The following RUNX3 variants were observed in gnomAD, a reference collection of about 807,000 sequenced individuals.
RUNX3 encodes runt-related transcription factor 3.
In RUNX3, 10 loss-of-function variants were observed where a neutral mutation model predicts 27.7. The ratio of observed to expected loss-of-function variants is 0.36; its 90% CI spans 0.22 to 0.61. The LOEUF (loss-of-function observed/expected upper bound fraction) is 0.61, where lower values mean the gene tolerates loss of function less well. Ranked by LOEUF, RUNX3 falls within the 20% of genes least tolerant of loss-of-function variation. RUNX3 has a pLI of 0.72. For synonymous variants in RUNX3, 270 were observed against 269.2 expected (o/e 1.00, Z -0.03); for missense variants, 469 against 629.5 (o/e 0.75, Z 2.73).
intron 2 of RUNX3, among the ~76,000 whole-genome samples, chr1:24,921,298 C>T (rs914627483): frequency 3.3e-5 from 5 of 152,240 alleles, no homozygotes; most frequent in East Asian, 1.9e-4. Flanking sequence ...CAGGAGAATC[C>T]GGAACAAAAT....
chr1:24,903,338 C>T (rs1440602110), intron 4 of RUNX3, among the ~76,000 whole-genome samples: 1 of 152,190 alleles, frequency 6.6e-6, no homozygotes, highest in African/African-American at 2.4e-5. Context: ...TCCACCTCAC[C>T]CTGGGCCTGT....
intron 2 of RUNX3, among the ~76,000 whole-genome samples, chr1:24,924,930 C>T (rs1641070639): frequency 6.6e-6 from 1 of 152,132 alleles, no homozygotes. Context: ...CACCTTCAGC[C>T]CTGTTGTTAA....
intron 2 of RUNX3, among the ~76,000 whole-genome samples, chr1:24,963,337 G>GCAGGC (rs1341867973): frequency 3.3e-5 from 5 of 150,912 alleles, no homozygotes; most frequent in Non-Finnish European, 7.4e-5. Flanking sequence ...CAGCGGCAGG[G>GCAGGC]CAGGCCAATG....
upstream of RUNX3, among the ~76,000 whole-genome samples, chr1:24,934,940 C>T (rs1296362819): frequency 1.3e-5 from 2 of 152,188 alleles, no homozygotes; most frequent in Non-Finnish European, 2.9e-5. Context: ...TTGCCAGGGT[C>T]ATTCGGGAGG....
chr1:24,957,671 G>C (rs1306133323), intron 2 of RUNX3, among the ~76,000 whole-genome samples: 5 of 152,250 alleles, frequency 3.3e-5, no homozygotes, highest in Admixed American at 3.3e-4. Context: ...ACATTAAATA[G>C]TAGTAATTTC....
chr1:24,944,964 C>T (rs1191032657), intron 2 of RUNX3, among the ~76,000 whole-genome samples: 3 of 152,134 alleles, frequency 2.0e-5, no homozygotes, highest in African/African-American at 7.2e-5. Flanking sequence ...GCATAGGAAA[C>T]GAATATGTCT....
chr1:24,913,352 A>C (rs536619787), intron 3 of RUNX3, among the ~76,000 whole-genome samples: 82 of 152,334 alleles, frequency 5.4e-4, no homozygotes, highest in African/African-American at 1.9e-3. Flanking sequence ...CCCCAAGCTC[A>C]TACCAGGCAG....
intron 3 of RUNX3, among the ~76,000 whole-genome samples, chr1:24,918,340 C>T (rs1020231189): frequency 7.2e-5 from 11 of 152,214 alleles, no homozygotes; most frequent in Non-Finnish European, 1.5e-5. Flanking sequence ...AGGTCCTATT[C>T]AGGTACCCAA....
rs773454826 is a variant in RUNX3, at chr1:24,902,367, C to T, written c.1003G>A (p.Gly335Arg). The change falls in exon 5 of 5, where the codon GGG (glycine) becomes AGG (arginine). Residue 335 changes from glycine to arginine, a missense_variant. Coordinates refer to ENST00000308873, the MANE Select transcript of RUNX3 (RefSeq NM_004350.3). This position sits in a 1 kb window ranked among gnomAD's most constrained non-coding sequence, Gnocchi z 9.2. ...ANPSPYHLYYGTSSGSYQFSM... is the reference protein window; with the variant it reads ...ANPSPYHLYYRTSSGSYQFSM... The stretch of plus-strand genomic sequence containing the variant: ...AACTGGTAGGAGCCAGAGGATGTCC[C>T]GTAGTAGAGGTGGTAGGGGGACGGG... The T allele has an allele frequency of 1.9e-6, 3 of 1,612,308 alleles. No individual in the cohort carries two copies. Among genetic ancestry groups the T allele is most frequent in the African/African-American group, 1.3e-5 (1 of 75,036 alleles).
intron 2 of RUNX3, among the ~76,000 whole-genome samples, chr1:24,938,071 T>C (rs371157520): frequency 1.3e-5 from 2 of 152,234 alleles, no homozygotes; most frequent in African/African-American, 2.4e-5. Context: ...GTCCAAATTC[T>C]TGATGAAAGT....
intron 2 of RUNX3, among the ~76,000 whole-genome samples, chr1:24,955,677 G>C (rs1439399576): frequency 6.6e-6 from 1 of 152,218 alleles, no homozygotes; most frequent in East Asian, 1.9e-4. Flanking sequence ...CTCCCTGGCT[G>C]TCGGGGTTCA....
rs756021450 is a variant in RUNX3, at chr1:24,901,304, G to GA, written c.*817dup. Reference sequence around the variant, plus strand: ...TTATGAGACCACCTAGGGGAAAGGGGACCTCCTATCCCCCCTCCCCCGCCC... The same window carrying GA: ...TTATGAGACCACCTAGGGGAAAGGGGAACCTCCTATCCCCCCTCCCCCGCCC... On this transcript the variant is annotated 3_prime_UTR_variant, in exon 5 of 5. Transcript: ENST00000308873. The GA allele has an allele frequency of 3.3e-5, 5 of 152,688 alleles. No individual in the cohort carries two copies. The East Asian group carries it at 9.4e-4, about 29-fold the overall frequency. The allele number at this position is 152,688 out of a possible 1,614,324, so 9.5% of individuals were successfully genotyped here. A position where few individuals can be genotyped will look rare whatever the true frequency, so the allele number is the denominator to read the frequency against.
Position 24,927,645 on chromosome 1 carries a change from T to C in RUNX3, c.368A>G (p.Asn123Ser). Residue 123 changes from asparagine to serine, a missense_variant, in exon 2 of 5, where the codon AAT (asparagine) becomes AGT (serine). By Grantham distance (46) the Asn-to-Ser change is conservative (BLOSUM62 1). Transcript: ENST00000308873. The surrounding 1 kb of genome is among the most constrained non-coding windows in gnomAD (Gnocchi z 5.0). The part of the protein sequence containing the change: ...NDENYSAELR[N>S]ASAVMKNQVA... ...CTGGTTCTTCATGACGGCCGAGGCA[T>C]TGCGCAGCTCAGCGGAGTAGTTCTC... 6.2e-7 allele frequency: 1 copy of C among 1,614,140 alleles called. No individual in the cohort carries two copies. Among genetic ancestry groups the C allele is most frequent in the Non-Finnish European group, 8.5e-7 (1 of 1,180,026 alleles).
At chr1:24,908,569 G>A (rs1392973590) in intron 3 of RUNX3, among the ~76,000 whole-genome samples, 1 of 152,206 alleles carries the variant, frequency 6.6e-6, no homozygotes, top group Non-Finnish European at 1.5e-5. Context: ...GGATGACTGA[G>A]GCAGGAGGAT....
At chr1:24,944,816 C>T (rs1352238389) in intron 2 of RUNX3, among the ~76,000 whole-genome samples, 1 of 152,194 alleles carries the variant, frequency 6.6e-6, no homozygotes, top group Non-Finnish European at 1.5e-5. Context: ...CCAGAGCCTC[C>T]AGCAAGGAAC....
At position 24,923,189 on chromosome 1, in the gene RUNX3, A is replaced by G. The variant is rs576870835; in HGVS notation, c.440-3845T>C. On this transcript the variant is annotated intron_variant, in intron 2 of 4. Transcript: ENST00000308873. This position sits in a 1 kb window ranked among gnomAD's most constrained non-coding sequence, Gnocchi z 5.9. ...CCAGCACTCCTCGGCCGCTTCCACC[A>G]GCTTCCACGCCTGTCACCACCCCTC... 2.0e-5 allele frequency among the ~76,000 whole-genome samples: 3 copies of G among 152,242 alleles called. No individual in the cohort carries two copies. In the South Asian group the frequency reaches 6.2e-4, roughly 32 times the overall value.
intron 2 of RUNX3, among the ~76,000 whole-genome samples, chr1:24,954,682 G>C (rs968142252): frequency 6.6e-6 from 1 of 152,204 alleles, no homozygotes; most frequent in South Asian, 2.1e-4. Context: ...CTTCGCCCTT[G>C]TCCTTGTCCA....
At chr1:24,946,679 T>A (rs1440736479) in intron 2 of RUNX3, among the ~76,000 whole-genome samples, 1 of 152,136 alleles carries the variant, frequency 6.6e-6, no homozygotes, top group Non-Finnish European at 1.5e-5. Flanking sequence ...GCTGCATCCC[T>A]GGTTCCTTCC....
chr1:24,923,850 A>T lies in RUNX3; in HGVS notation c.439+3724T>A, dbSNP rs900335650. 2.6e-5 allele frequency among the ~76,000 whole-genome samples: 4 copies of T among 152,122 alleles called. No individual in the cohort carries two copies. The highest frequency in any genetic ancestry group is 5.9e-5 in the Non-Finnish European group (4 of 68,036). ...CACACAGTTGCTTTTTAACCAGTTGATCACAGCTCGAGAGCTCATGTGCTT... is the reference window on the plus strand; with the variant it reads ...CACACAGTTGCTTTTTAACCAGTTGTTCACAGCTCGAGAGCTCATGTGCTT... On this transcript the variant is annotated intron_variant, in intron 2 of 4. Transcript: ENST00000308873. This position sits in a 1 kb window ranked among gnomAD's most constrained non-coding sequence, Gnocchi z 5.9.
Sources: allele counts gnomAD v4.1 joint callset (sites outside exome capture counted in the v4.1 genomes callset), GRCh38; gene constraint gnomAD v4.1.1; non-coding constraint Gnocchi (gnomAD v3.1); transcripts MANE v1.5; gene names NCBI Gene and HGNC (gene_info 2026-07-23, HGNC 2026-07-21).